FAM184A: variants seen among roughly 807,000 people sequenced by gnomAD.
FAM184A encodes the protein family with sequence similarity 184 member A.
FAM184A carries 99 observed loss-of-function variants against 143.8 expected under a neutral mutation model. The ratio of observed to expected loss-of-function variants is 0.69; its 90% CI spans 0.58 to 0.81. FAM184A has a LOEUF of 0.81. FAM184A is among the 40% of genes least tolerant of loss of function. FAM184A has a pLI of 0.00. For missense variants in FAM184A, 1,217 were observed against 1,310.5 expected (o/e 0.93, Z 1.10); for synonymous variants, 427 against 446.4 (o/e 0.96, Z 0.55).
chr6:118,969,868 A>C (rs547098237), intron 14 of FAM184A, among the ~76,000 whole-genome samples: 1 of 138,144 alleles, frequency 7.2e-6, no homozygotes, highest in African/African-American at 2.8e-5. Context: ...TCCTTGTTCA[A>C]CTCCCACTTA....
At chr6:119,025,735 T>TC (rs1785610208) in intron 1 of FAM184A, 1 of 419,098 alleles carries the variant, frequency 2.4e-6, no homozygotes. Flanking sequence ...CCCACTTTCT[T>TC]CCCCCGGAAG....
intron 17 of FAM184A, among the ~76,000 whole-genome samples, chr6:118,961,341 T>G (rs1265531277): frequency 6.7e-6 from 1 of 149,636 alleles, no homozygotes; most frequent in East Asian, 1.9e-4. Context: ...ATATATATAT[T>G]TATAAATAAT....
At chr6:119,115,972 C>CACAA (rs1789048338) in intron 1 of FAM184A, among the ~76,000 whole-genome samples, 1 of 114,408 alleles carries the variant, frequency 8.7e-6, no homozygotes, top group African/African-American at 3.2e-5. Flanking sequence ...CCGTCTCAAA[C>CACAA]ACACACACAC....
rs1784922905 is a variant in FAM184A, at chr6:119,006,482, G to A, written c.1780C>T (p.Leu594=). Residue 594 remains leucine, a synonymous_variant, in exon 7 of 18, where the codon CTA becomes TTA. Transcript: ENST00000338891. ...QNELDLTKDS[L]KETKDALLNV... ...AATAGAGCATCCTTGGTCTCCTTTA[G>A]GCTGTCTTTAGTCAAGTCAAGCTCA... 1 of 1,613,724 alleles carries A rather than the reference G, an allele frequency of 6.2e-7. No individual in the cohort carries two copies.
chr6:119,055,356 C>T (rs761646320), intron 1 of FAM184A, among the ~76,000 whole-genome samples: 6 of 152,024 alleles, frequency 3.9e-5, no homozygotes, highest in Non-Finnish European at 8.8e-5. Context: ...CTGCTGTGAT[C>T]GTTTGTATAT....
At chr6:118,965,966 G>A (rs1293095639) in intron 15 of FAM184A, among the ~76,000 whole-genome samples, 1 of 152,114 alleles carries the variant, frequency 6.6e-6, no homozygotes, top group Non-Finnish European at 1.5e-5. Flanking sequence ...ACAATATGTA[G>A]AAAATTGGGT....
At chr6:119,111,583 G>A (rs1288640021) in intron 1 of FAM184A, among the ~76,000 whole-genome samples, 2 of 152,168 alleles carry the variant, frequency 1.3e-5, no homozygotes, top group Non-Finnish European at 2.9e-5. Context: ...ACAGAAACCC[G>A]GCGTATTCCA....
chr6:119,107,306 G>GA (rs1201735464), intron 1 of FAM184A, among the ~76,000 whole-genome samples: 1 of 151,934 alleles, frequency 6.6e-6, no homozygotes, highest in Non-Finnish European at 1.5e-5. Flanking sequence ...AAAGACACTA[G>GA]AAAAAATTAT....
At chr6:119,050,799 G>A (rs2114746073) in intron 1 of FAM184A, among the ~76,000 whole-genome samples, 1 of 148,838 alleles carries the variant, frequency 6.7e-6, no homozygotes, top group Non-Finnish European at 1.5e-5. Flanking sequence ...GCGACAGAGC[G>A]AGACTCCGTC....
At chr6:119,129,325 G>T (rs760533105) in intron 1 of FAM184A, among the ~76,000 whole-genome samples, 2 of 152,164 alleles carry the variant, frequency 1.3e-5, no homozygotes, top group Non-Finnish European at 2.9e-5. Context: ...ATTGCATAGA[G>T]AAAGCTCTGC....
intron 9 of FAM184A, among the ~76,000 whole-genome samples, chr6:118,983,446 A>G (rs1784077964): frequency 6.6e-6 from 1 of 152,186 alleles, no homozygotes; most frequent in Non-Finnish European, 1.5e-5. Flanking sequence ...GAATTATAGA[A>G]TATCTAGAAA....
rs753992608 is a variant in FAM184A, at chr6:118,979,456, G to A, written c.2364C>T (p.His788=). ...TCCGGAAGCCCTCCATTGACTCTCT[G>A]TGTGCATCTTTTAGTGATTGAAGCT... ...SAELQSLKDA[H]RESMEGFRIE... is the part of the protein sequence containing the mutation. The change falls in exon 11 of 18, where the codon CAC becomes CAT. Residue 788 remains histidine (H), a synonymous_variant. Transcript: ENST00000338891. 2 of 1,613,710 alleles carry A rather than the reference G, an allele frequency of 1.2e-6. No homozygotes were observed.
rs541193062 is a variant in FAM184A, at chr6:119,046,661, T to A, written c.160-21848A>T. Among the ~76,000 whole-genome samples the A allele has an allele frequency of 3.9e-5, 6 of 152,278 alleles. No individual in the cohort carries two copies. The East Asian group carries it at 1.2e-3, about 29-fold the overall frequency. On this transcript the variant is annotated intron_variant, in intron 1 of 17. Transcript: ENST00000338891. Reference sequence around the variant, plus strand: ...TGAATTCTTTGTGCTGTATATCAAGTAAAGTCAATTATGACTAACATTTCT... The same window carrying A: ...TGAATTCTTTGTGCTGTATATCAAGAAAAGTCAATTATGACTAACATTTCT...
intron 9 of FAM184A, among the ~76,000 whole-genome samples, chr6:118,984,326 C>T (rs993310712): frequency 6.6e-5 from 10 of 150,856 alleles, no homozygotes; most frequent in Admixed American, 2.7e-4. Context: ...TAGCTGGGAC[C>T]GCAGACATGC....
intron 1 of FAM184A, among the ~76,000 whole-genome samples, chr6:119,135,416 G>T (rs1789636553): frequency 6.6e-6 from 1 of 152,036 alleles, no homozygotes; most frequent in Non-Finnish European, 1.5e-5. Flanking sequence ...ACCATTAAGA[G>T]CTTATTATTA....
intron 9 of FAM184A, among the ~76,000 whole-genome samples, chr6:118,997,487 CA>C (rs1420135032): frequency 6.6e-6 from 1 of 152,068 alleles, no homozygotes; most frequent in Non-Finnish European, 1.5e-5. Context: ...GTCAGGAGTT[CA>C]AGACCAGCCT....
chr6:119,125,864 T>A (rs541794319), intron 1 of FAM184A, among the ~76,000 whole-genome samples: 2 of 152,092 alleles, frequency 1.3e-5, no homozygotes, highest in Non-Finnish European at 2.9e-5. Flanking sequence ...CCACTCAGAG[T>A]TGTAAAATTT....
At chr6:119,071,860 C>CTTTTTTTTTTTTTTT (rs35786966) in intron 1 of FAM184A, among the ~76,000 whole-genome samples, 1 of 94,170 alleles carries the variant, frequency 1.1e-5, no homozygotes, top group African/African-American at 3.9e-5. Context: ...AACCTTTAAT[C>CTTTTTTTTTTTTTTT]TTTTTTTTTT....
intron 9 of FAM184A, among the ~76,000 whole-genome samples, chr6:118,998,349 T>C (rs963124423): frequency 3.3e-5 from 5 of 152,258 alleles, no homozygotes; most frequent in African/African-American, 4.8e-5. Context: ...TGCCTCATTC[T>C]GTTCACTCTA....
Sources: allele counts gnomAD v4.1 joint callset (sites outside exome capture counted in the v4.1 genomes callset), GRCh38; gene constraint gnomAD v4.1.1; transcripts MANE v1.5; gene names NCBI Gene and HGNC (gene_info 2026-07-23, HGNC 2026-07-21).